Variants in FBXO10 observed in about 807,000 individuals in gnomAD.
FBXO10 encodes F-box only protein 10.
In FBXO10, 39 loss-of-function variants were observed where a neutral mutation model predicts 80.7. The ratio of observed to expected loss-of-function variants is 0.48; its 90% CI spans 0.37 to 0.63. The LOEUF (loss-of-function observed/expected upper bound fraction) is 0.63. Among genes scored for constraint, FBXO10 ranks in the 30% least tolerant of loss-of-function variants. The probability of loss-of-function intolerance (pLI) is 0.00; values close to 1 mark genes in which losing one functional copy is unlikely to be tolerated. For synonymous variants in FBXO10, 449 were observed against 489.6 expected (o/e 0.92, Z 1.09); for missense variants, 1,025 against 1,269.0 (o/e 0.81, Z 2.92).
In FBXO10 at chr9:37,541,237, G is replaced by A. The variant is rs200218427; in HGVS notation, c.532C>T (p.Arg178Cys). The A allele has an allele frequency of 2.8e-5, 45 of 1,613,354 alleles. No homozygotes were observed. Among genetic ancestry groups the A allele is most frequent in the East Asian group, 6.7e-5 (3 of 44,902 alleles). The change falls in exon 2 of 11, where the codon CGC becomes TGC. Residue 178 changes from arginine (R) to cysteine (C), a missense_variant. Arg to Cys is a radical substitution (Grantham distance 180). Transcript: ENST00000432825. Reference sequence around the variant, plus strand: ...GGCGTGAAGACGAGGTTGCACAGGCGTGTGGTTGAGCAGTGCTGATCAATG... The same window carrying A: ...GGCGTGAAGACGAGGTTGCACAGGCATGTGGTTGAGCAGTGCTGATCAATG... Reference protein sequence around the residue: ...ASIDQHCSTTRLCNLVFTPAW... With the variant: ...ASIDQHCSTTCLCNLVFTPAW...
Position 37,576,352 on chromosome 9 carries a change from G to C in FBXO10, c.-148C>G, listed in dbSNP as rs909405334. On this transcript the variant is annotated 5_prime_UTR_variant, in exon 1 of 11. Coordinates refer to ENST00000432825, the MANE Select transcript of FBXO10 (RefSeq NM_012166.3). ...CCGCCCGGGGGCGGACAGCTGCCTG[G>C]GGATCGTGCGGAGCCGCCGCCGTCA... 2.0e-5 allele frequency: 3 copies of C among 152,160 alleles called. No homozygotes were observed. The highest frequency in any genetic ancestry group is 2.9e-5 in the Non-Finnish European group (2 of 68,000). The allele number at this position is 152,160 out of a possible 1,614,324, so 9.4% of individuals were successfully genotyped here.
intron 7 of FBXO10, 95 bp downstream of exon 7, chr9:37,522,730 C>G (rs921012396): frequency 4.9e-6 from 7 of 1,415,286 alleles, no homozygotes; most frequent in Non-Finnish European, 4.8e-6. Context: ...GTCTTTGAGG[C>G]ACAGGGAAAG....
chr9:37,529,342 G>A (rs1445278819), intron 4 of FBXO10, 82 bp from the exon 5 acceptor site: 32 of 1,471,174 alleles, frequency 2.2e-5, no homozygotes, highest in Non-Finnish European at 2.9e-5. Flanking sequence ...CCACACCTCC[G>A]CGGCAGGATG....
intron 2 of FBXO10, among the ~76,000 whole-genome samples, 153 bp downstream of exon 2, chr9:37,541,031 T>C (rs1821898060): frequency 6.6e-6 from 1 of 152,246 alleles, no homozygotes; most frequent in South Asian, 2.1e-4. Flanking sequence ...TCACTGTGCC[T>C]GTTTCTCAAC....
Position 37,529,174 on chromosome 9 carries a change from G to C in FBXO10, c.1656C>G (p.Ser552=), listed in dbSNP as rs371148381. Residue 552 remains serine, a synonymous_variant, in exon 5 of 11, where the codon TCC becomes TCG. Transcript: ENST00000432825. ...KGIIRNNQIF[S]NKEAGIYILY... ...GGATGTAAATGCCAGCCTCCTTATTGGAAAAGATTTGATTGTTCCGGATGA... is the reference window on the plus strand; with the variant it reads ...GGATGTAAATGCCAGCCTCCTTATTCGAAAAGATTTGATTGTTCCGGATGA... The C allele has an allele frequency of 1.9e-6, 3 of 1,613,802 alleles. No homozygotes were observed. The highest frequency in any genetic ancestry group is 2.5e-6 in the Non-Finnish European group (3 of 1,179,888).
chr9:37,564,054 G>A (rs916722502), intron 1 of FBXO10, among the ~76,000 whole-genome samples: 3 of 152,260 alleles, frequency 2.0e-5, no homozygotes, highest in Non-Finnish European at 2.9e-5. Context: ...GGGACCCTCT[G>A]CTCTGTGCAG....
intron 5 of FBXO10, 115 bp downstream of exon 5, chr9:37,529,009 T>C: frequency 7.3e-7 from 1 of 1,366,964 alleles, no homozygotes; most frequent in Non-Finnish European, 1.0e-6. Flanking sequence ...GGATGATGAG[T>C]GAAGTCTCTT....
At chr9:37,574,231 C>G (rs1822834916) in intron 1 of FBXO10, among the ~76,000 whole-genome samples, 2 of 152,142 alleles carry the variant, frequency 1.3e-5, no homozygotes, top group African/African-American at 4.8e-5. Flanking sequence ...TATTTCTACT[C>G]ACTCCCACTC....
chr9:37,528,318 G>C (rs909065325), intron 5 of FBXO10, among the ~76,000 whole-genome samples: 1 of 152,182 alleles, frequency 6.6e-6, no homozygotes, highest in Non-Finnish European at 1.5e-5. Flanking sequence ...AGTGACCACA[G>C]GGCCCAAGAT....
In FBXO10 at chr9:37,510,982, C is replaced by T. The variant is rs901036240; in HGVS notation, c.*1565G>A. On this transcript the variant is annotated 3_prime_UTR_variant, in exon 11 of 11. Transcript: ENST00000432825. ...AAAGTCATTTCTTAGAAAATAGTAA[C>T]GGCAGCATTTTTTACAGCGACTCAC... 3 of 152,730 alleles carry T rather than the reference C, an allele frequency of 2.0e-5. No individual in the cohort carries two copies. The highest frequency in any genetic ancestry group is 3.9e-4 in the East Asian group (2 of 5,186). The allele number at this position is 152,730 out of a possible 1,614,324, so 9.5% of individuals were successfully genotyped here. A position where few individuals can be genotyped will look rare whatever the true frequency, so the allele number is the denominator to read the frequency against.
intron 1 of FBXO10, among the ~76,000 whole-genome samples, chr9:37,558,552 T>A (rs1822393045): frequency 1.3e-5 from 2 of 152,186 alleles, no homozygotes; most frequent in African/African-American, 4.8e-5. Flanking sequence ...TAGGCTATCA[T>A]AATTCACTTA....
At chr9:37,534,298 T>C (rs546778018) in intron 3 of FBXO10, among the ~76,000 whole-genome samples, 53 of 152,294 alleles carry the variant, frequency 3.5e-4, no homozygotes, top group African/African-American at 1.3e-3. Context: ...GTAGAAAGAA[T>C]ATACACAAAC....
Position 37,537,732 on chromosome 9 carries a change from T to C in FBXO10, c.797A>G (p.Lys266Arg). 6.2e-7 allele frequency: 1 copy of C among 1,614,040 alleles called. No homozygotes were observed. Among genetic ancestry groups the C allele is most frequent in the Non-Finnish European group, 8.5e-7 (1 of 1,179,888 alleles). The change falls in exon 3 of 11, where the codon AAG becomes AGG. Residue 266 changes from lysine to arginine, a missense_variant. By Grantham distance (26) the Lys-to-Arg change is conservative. Coordinates refer to ENST00000432825, the MANE Select transcript of FBXO10 (RefSeq NM_012166.3). ...VTVEGHPSAD[K>R]NWAYKYLLGL... ...TAGTAGATACTTGTAGGCCCAGTTC[T>C]TATCTGCAGATGGGTGACCCTCAAC...
intron 4 of FBXO10, 21 bp downstream of exon 4, chr9:37,531,888 T>C (rs771871682): frequency 1.1e-5 from 18 of 1,610,850 alleles, no homozygotes; most frequent in African/African-American, 4.0e-5. Flanking sequence ...TCACCCTGAA[T>C]AGGGAACGAA....
At chr9:37,528,435 C>T (rs1361122468) in intron 5 of FBXO10, among the ~76,000 whole-genome samples, 1 of 152,172 alleles carries the variant, frequency 6.6e-6, no homozygotes, top group Non-Finnish European at 1.5e-5. Flanking sequence ...TCTGCTGTGC[C>T]CTGCTGCCTT....
chr9:37,559,691 C>T (rs1433568492), intron 1 of FBXO10, among the ~76,000 whole-genome samples: 2 of 152,164 alleles, frequency 1.3e-5, no homozygotes, highest in African/African-American at 2.4e-5. Flanking sequence ...AAGAGATGTG[C>T]GTTACTTCTC....
At chr9:37,536,927 CCT>C (rs1332830006) in intron 3 of FBXO10, among the ~76,000 whole-genome samples, 181 bp downstream of exon 3, 14 of 152,272 alleles carry the variant, frequency 9.2e-5, no homozygotes, top group African/African-American at 3.1e-4. Context: ...TCTCTCTGGG[CCT>C]CTCTTTCTGG....
At chr9:37,531,665 G>A (rs938955820) in intron 4 of FBXO10, among the ~76,000 whole-genome samples, 1 of 152,136 alleles carries the variant, frequency 6.6e-6, no homozygotes. Flanking sequence ...GGCCCTGTGA[G>A]GTTTCCCTGT....
chr9:37,518,910 TTTC>T (rs1165236942), intron 8 of FBXO10, among the ~76,000 whole-genome samples: 1 of 38,038 alleles, frequency 2.6e-5, no homozygotes, highest in African/African-American at 6.6e-5. Flanking sequence ...TTGGGGAAAT[TTTC>T]TTTTTTTTTT....
Sources: gnomAD v4.1 joint callset for allele counts (sites outside exome capture counted in the v4.1 genomes callset) on GRCh38, gnomAD v4.1.1 for gene constraint, MANE v1.5 for transcripts, NCBI Gene and HGNC (gene_info 2026-07-23, HGNC 2026-07-21) for gene names.